Variants in PDGFC observed in about 807,000 individuals in gnomAD.
PDGFC encodes platelet derived growth factor C, also known as platelet-derived growth factor C.
A neutral mutation model predicts 35.5 loss-of-function variants in PDGFC; 12 were observed. That is an observed-to-expected ratio of 0.34 (90% CI 0.22 to 0.55). PDGFC has a LOEUF of 0.55. PDGFC is among the 20% of genes least tolerant of loss of function. PDGFC has a pLI of 0.91. For synonymous variants in PDGFC, 159 were observed against 148.8 expected (o/e 1.07, Z -0.50); for missense variants, 322 against 412.4 (o/e 0.78, Z 1.90).
chr4:156,789,976 CA>C (rs750843965), intron 3 of PDGFC, among the ~76,000 whole-genome samples: 32 of 55,936 alleles, frequency 5.7e-4, no homozygotes, highest in South Asian at 3.6e-3. Context: ...GTCTCCATCT[CA>C]AAAAAAAAAA....
intron 1 of PDGFC, 44 bp from the exon 2 acceptor site, chr4:156,850,460 A>C: frequency 8.8e-7 from 1 of 1,131,366 alleles, no homozygotes; most frequent in Non-Finnish European, 1.3e-6. Context: ...TAGATTTCAA[A>C]AATTATAGGT....
chr4:156,853,403 G>T (rs943908834), intron 1 of PDGFC, among the ~76,000 whole-genome samples: 2 of 152,046 alleles, frequency 1.3e-5, no homozygotes, highest in Admixed American at 1.3e-4. Flanking sequence ...TAATTGTAAC[G>T]TTTTTATTTA....
At chr4:156,825,584 T>TAAGAAGAAGAAGAAGAAGAAGAAG (rs1371864016) in intron 2 of PDGFC, among the ~76,000 whole-genome samples, 2 of 90,214 alleles carry the variant, frequency 2.2e-5, no homozygotes, top group African/African-American at 6.0e-5. Flanking sequence ...ATAATAATAA[T>TAAGAAGAAGAAGAAGAAGAAGAAG]AATAATAATA....
chr4:156,913,163 A>G (rs1731078356), intron 1 of PDGFC, among the ~76,000 whole-genome samples: 1 of 152,168 alleles, frequency 6.6e-6, no homozygotes, highest in South Asian at 2.1e-4. Context: ...TCACTAATAC[A>G]TAAAAAAACT....
At chr4:156,832,382 G>A (rs1457809984) in intron 2 of PDGFC, among the ~76,000 whole-genome samples, 1 of 150,740 alleles carries the variant, frequency 6.6e-6, no homozygotes, top group African/African-American at 2.4e-5. Context: ...TCAGCCTCCT[G>A]AGTAGCTGGG....
Position 156,814,265 on chromosome 4 carries a change from C to T in PDGFC, c.315-3248G>A, listed in dbSNP as rs573236376. Among the ~76,000 whole-genome samples, 38 of 152,120 alleles carry T rather than the reference C, an allele frequency of 2.5e-4. 1 individual carries two copies. In the Middle Eastern group the frequency reaches 0.02, roughly 82 times the overall value. On this transcript the variant is annotated intron_variant, in intron 2 of 5. Coordinates refer to ENST00000502773, the MANE Select transcript of PDGFC (RefSeq NM_016205.3). ...CACAGACAGGTAATCACCACATGTT[C>T]GAGGAATTCGAGGAAACAGTAACAT...
At chr4:156,901,111 T>C (rs1279342401) in intron 1 of PDGFC, among the ~76,000 whole-genome samples, 1 of 152,212 alleles carries the variant, frequency 6.6e-6, no homozygotes, top group African/African-American at 2.4e-5. Context: ...AATTGTATCA[T>C]GCACATAAAT....
chr4:156,826,174 A>ATT (rs59421806), intron 2 of PDGFC, among the ~76,000 whole-genome samples: 560 of 43,756 alleles, frequency 0.013, 104 homozygotes, highest in African/African-American at 0.031. Context: ...TTTGAGTTGG[A>ATT]TTTTTTTTTT....
intron 1 of PDGFC, among the ~76,000 whole-genome samples, chr4:156,958,463 A>G (rs1452078630): frequency 6.6e-6 from 1 of 152,070 alleles, no homozygotes; most frequent in Non-Finnish European, 1.5e-5. Flanking sequence ...AAAAGTTGCC[A>G]GTGTGGTATG....
chr4:156,932,182 T>A (rs554916651), intron 1 of PDGFC, among the ~76,000 whole-genome samples: 3 of 152,342 alleles, frequency 2.0e-5, no homozygotes, highest in Admixed American at 1.3e-4. Flanking sequence ...GATTTTTTTT[T>A]AATTTTCTAA....
At chr4:156,863,340 T>C (rs1729762381) in intron 1 of PDGFC, among the ~76,000 whole-genome samples, 1 of 152,162 alleles carries the variant, frequency 6.6e-6, no homozygotes, top group African/African-American at 2.4e-5. Context: ...TCCACTATAT[T>C]ACACTACTCC....
chr4:156,773,967 C>G (rs1730754122), intron 3 of PDGFC, among the ~76,000 whole-genome samples: 1 of 152,166 alleles, frequency 6.6e-6, no homozygotes, highest in Non-Finnish European at 1.5e-5. Flanking sequence ...GGGCTCCATA[C>G]TAAAAACATG....
At chr4:156,969,656 C>G (rs1011526636) in intron 1 of PDGFC, among the ~76,000 whole-genome samples, 6 of 152,140 alleles carry the variant, frequency 3.9e-5, no homozygotes, top group Non-Finnish European at 7.3e-5. Flanking sequence ...AAAACTATAG[C>G]ACATCCTATC....
chr4:156,868,982 C>A (rs942022729), intron 1 of PDGFC, among the ~76,000 whole-genome samples: 1 of 152,160 alleles, frequency 6.6e-6, no homozygotes, highest in South Asian at 2.1e-4. Context: ...TGCAAACTCA[C>A]GATCAGTTTA....
intron 3 of PDGFC, among the ~76,000 whole-genome samples, chr4:156,782,707 C>T (rs748514240): frequency 5.3e-5 from 8 of 152,110 alleles, no homozygotes; most frequent in South Asian, 4.1e-4. Context: ...CAGGTCAAAA[C>T]GATCACCAGG....
intron 1 of PDGFC, among the ~76,000 whole-genome samples, chr4:156,880,443 A>C (rs576790799): frequency 6.6e-6 from 1 of 152,260 alleles, no homozygotes; most frequent in South Asian, 2.1e-4. Flanking sequence ...ACTCAGAAAG[A>C]AAAAAAGATT....
intron 3 of PDGFC, among the ~76,000 whole-genome samples, chr4:156,804,559 A>T (rs1330300253): frequency 6.6e-6 from 1 of 151,790 alleles, no homozygotes; most frequent in South Asian, 2.1e-4. Context: ...ATCTTTCCAA[A>T]CCACTCAACA....
At chr4:156,836,528 GC>G (rs2111040031) in intron 2 of PDGFC, among the ~76,000 whole-genome samples, 1 of 151,942 alleles carries the variant, frequency 6.6e-6, no homozygotes, top group South Asian at 2.1e-4. Context: ...GATAATACTT[GC>G]CTCTGCCTTC....
chr4:156,766,179 C>T (rs1244164214), intron 5 of PDGFC, among the ~76,000 whole-genome samples: 1 of 152,010 alleles, frequency 6.6e-6, no homozygotes, highest in African/African-American at 2.4e-5. Flanking sequence ...TAATAGAGTA[C>T]CTTTGAAGCC....
Sources: allele counts gnomAD v4.1 joint callset (sites outside exome capture counted in the v4.1 genomes callset), GRCh38; gene constraint gnomAD v4.1.1; transcripts MANE v1.5; gene names NCBI Gene and HGNC (gene_info 2026-07-23, HGNC 2026-07-21).